Variants in TMC1 observed in about 807,000 individuals in gnomAD.
The protein encoded by TMC1 is transmembrane channel-like protein 1.
Under a neutral mutation model 105.8 loss-of-function variants are expected in TMC1, and 84 were observed. That is an observed-to-expected ratio of 0.79 (90% confidence interval 0.67 to 0.95). The LOEUF (loss-of-function observed/expected upper bound fraction) is 0.95. TMC1 is among the 40% of genes least tolerant of loss of function. The probability of loss-of-function intolerance (pLI) is 0.00; values close to 1 mark genes in which losing one functional copy is unlikely to be tolerated. For synonymous variants in TMC1, 315 were observed against 311.5 expected (o/e 1.01, Z -0.12); for missense variants, 817 against 914.1 (o/e 0.89, Z 1.37).
intron 4 of TMC1, among the ~76,000 whole-genome samples, chr9:72,645,703 A>G (rs1189999307): frequency 6.6e-6 from 1 of 152,142 alleles, no homozygotes; most frequent in African/African-American, 2.4e-5. Flanking sequence ...CTCACGAAAT[A>G]AAGCTCTAAT....
In TMC1 at chr9:72,640,639, G is replaced by GT. The variant is rs67426286; in HGVS notation, c.-52-7947dup. On this transcript the variant is annotated intron_variant, in intron 4 of 23. Transcript: ENST00000297784. ...TTTGTTTTTTTGTTTTTTGTTTTTTGTTTTTTTTTTTGAGACGGAGTGCCG... is the reference window on the plus strand; with the variant it reads ...TTTGTTTTTTTGTTTTTTGTTTTTTGTTTTTTTTTTTTGAGACGGAGTGCCG... Among the ~76,000 whole-genome samples, 1,088 of 146,628 alleles carry GT rather than the reference G, an allele frequency of 7.4e-3. 13 individuals are homozygous for GT. Among genetic ancestry groups the GT allele is most frequent in the African/African-American group, 0.024 (969 of 40,118 alleles).
intron 1 of TMC1, among the ~76,000 whole-genome samples, chr9:72,556,942 G>A (rs1823951720): frequency 6.6e-6 from 1 of 152,196 alleles, no homozygotes. Context: ...GGGTTGGGGA[G>A]TGAAGTGCTA....
chr9:72,806,882 A>G (rs1179212602), intron 18 of TMC1, among the ~76,000 whole-genome samples: 3 of 152,224 alleles, frequency 2.0e-5, no homozygotes, highest in Non-Finnish European at 4.4e-5. Context: ...CAGAGGCTGC[A>G]ATCTCGGCAC....
chr9:72,605,305 A>G (rs1354175910), intron 2 of TMC1, among the ~76,000 whole-genome samples: 1 of 152,242 alleles, frequency 6.6e-6, no homozygotes, highest in African/African-American at 2.4e-5. Flanking sequence ...TGAGGAATCC[A>G]GAAGCAGATT....
intron 13 of TMC1, among the ~76,000 whole-genome samples, chr9:72,781,016 T>C: frequency 6.6e-6 from 1 of 152,146 alleles, no homozygotes; most frequent in South Asian, 2.1e-4. Context: ...AGAATATACA[T>C]TCTTCTTATC....
intron 1 of TMC1, among the ~76,000 whole-genome samples, chr9:72,528,987 G>A (rs947795686): frequency 2.0e-5 from 3 of 150,890 alleles, no homozygotes; most frequent in Non-Finnish European, 4.4e-5. Context: ...AAACTATATC[G>A]TATAATAACT....
At chr9:72,591,990 A>G (rs1189272297) in intron 2 of TMC1, among the ~76,000 whole-genome samples, 1 of 152,208 alleles carries the variant, frequency 6.6e-6, no homozygotes, top group Non-Finnish European at 1.5e-5. Flanking sequence ...GATCACACTT[A>G]GCATCTAGTG....
At chr9:72,744,901 C>A (rs1827463884) in intron 10 of TMC1, among the ~76,000 whole-genome samples, 1 of 152,150 alleles carries the variant, frequency 6.6e-6, no homozygotes, top group Admixed American at 6.5e-5. Flanking sequence ...GACCACCATC[C>A]ATCATGAGTG....
chr9:72,706,499 TA>T (rs993915465), intron 8 of TMC1, among the ~76,000 whole-genome samples: 7 of 152,158 alleles, frequency 4.6e-5, no homozygotes, highest in African/African-American at 1.7e-4. Context: ...TGTGATGATT[TA>T]TTAGATTTTG....
At chr9:72,682,529 C>T (rs189340394) in intron 5 of TMC1, among the ~76,000 whole-genome samples, 6 of 152,268 alleles carry the variant, frequency 3.9e-5, no homozygotes, top group East Asian at 3.9e-4. Flanking sequence ...ACAAATGGCA[C>T]GAGCTTCTTT....
intron 8 of TMC1, among the ~76,000 whole-genome samples, chr9:72,729,682 G>A (rs1827176993): frequency 6.6e-6 from 1 of 152,134 alleles, no homozygotes; most frequent in Non-Finnish European, 1.5e-5. Context: ...AATTTGTTTA[G>A]TTCTGCAGGG....
intron 2 of TMC1, among the ~76,000 whole-genome samples, chr9:72,601,207 C>A (rs912940031): frequency 2.7e-5 from 4 of 148,782 alleles, no homozygotes; most frequent in Admixed American, 2.7e-4. Context: ...CACACACACA[C>A]ACACACACAC....
intron 5 of TMC1, 62 bp from the exon 6 acceptor site, chr9:72,688,647 C>T: frequency 1.4e-6 from 2 of 1,441,918 alleles, no homozygotes; most frequent in Admixed American, 1.7e-5. Flanking sequence ...AAAGTAAAAA[C>T]CACTTACTAA....
rs1386189573 is a variant in TMC1, at chr9:72,838,161, C to A, written c.*2188C>A. 3.3e-5 allele frequency: 5 copies of A among 152,154 alleles called. No individual in the cohort carries two copies. Among genetic ancestry groups the A allele is most frequent in the Non-Finnish European group, 7.4e-5 (5 of 68,018 alleles). The allele number at this position is 152,154 out of a possible 1,614,324, so 9.4% of individuals were successfully genotyped here. The stretch of plus-strand genomic sequence containing the variant: ...AACTTACAGCAATTGTGTTATGAGA[C>A]AAAAACTTCTGTTACCTGCATGAAA... On this transcript the variant is annotated 3_prime_UTR_variant, in exon 24 of 24. Coordinates refer to ENST00000297784, the MANE Select transcript of TMC1 (RefSeq NM_138691.3).
intron 3 of TMC1, among the ~76,000 whole-genome samples, chr9:72,623,131 TTCTCTC>T (rs10583996): frequency 7.3e-6 from 1 of 136,538 alleles, no homozygotes; most frequent in Admixed American, 8.0e-5. Context: ...TTTATTTGTC[TTCTCTC>T]TCTCTCCCTG....
At chr9:72,618,535 C>G (rs1380948953) in intron 3 of TMC1, among the ~76,000 whole-genome samples, 1 of 151,442 alleles carries the variant, frequency 6.6e-6, no homozygotes, top group African/African-American at 2.4e-5. Flanking sequence ...GCATCCCTAT[C>G]GAGATAGAAA....
At chr9:72,576,262 A>G (rs1824377922) in intron 1 of TMC1, among the ~76,000 whole-genome samples, 1 of 152,188 alleles carries the variant, frequency 6.6e-6, no homozygotes, top group Non-Finnish European at 1.5e-5. Context: ...GGGTAAAAAT[A>G]TACTTGACCT....
chr9:72,670,070 A>G (rs1826105557), intron 5 of TMC1, among the ~76,000 whole-genome samples: 1 of 152,196 alleles, frequency 6.6e-6, no homozygotes, highest in African/African-American at 2.4e-5. Flanking sequence ...GCAATTCATG[A>G]GAAAGAGTTC....
At chr9:72,755,623 C>A (rs151106839) in intron 12 of TMC1, among the ~76,000 whole-genome samples, 34 of 152,262 alleles carry the variant, frequency 2.2e-4, no homozygotes, top group African/African-American at 7.9e-4. Flanking sequence ...TGTAATTCCA[C>A]ATATTCTTTT....
Sources: gnomAD v4.1 joint callset for allele counts (sites outside exome capture counted in the v4.1 genomes callset) on GRCh38, gnomAD v4.1.1 for gene constraint, MANE v1.5 for transcripts, NCBI Gene and HGNC (gene_info 2026-07-23, HGNC 2026-07-21) for gene names.